TRAF2: variants seen among roughly 807,000 people sequenced by gnomAD.
TRAF2 encodes TNF receptor associated factor 2.
Under a neutral mutation model 55.6 loss-of-function variants are expected in TRAF2, and 6 were observed. That is an observed-to-expected ratio of 0.11 (90% CI 0.06 to 0.21). TRAF2 has a LOEUF of 0.21. Among genes scored for constraint, TRAF2 ranks in the 10% least tolerant of loss-of-function variants. The probability of loss-of-function intolerance (pLI) is 1.00; values close to 1 mark genes in which losing one functional copy is unlikely to be tolerated. For synonymous variants in TRAF2, 329 were observed against 276.3 expected (o/e 1.19, Z -1.89); for missense variants, 561 against 684.5 (o/e 0.82, Z 2.01).
upstream of TRAF2, among the ~76,000 whole-genome samples, chr9:136,883,360 G>C (rs1325064034): frequency 6.6e-6 from 1 of 152,156 alleles, no homozygotes; most frequent in Admixed American, 6.6e-5. Flanking sequence ...TTCTGGACTT[G>C]GGGTGGGGCT....
At chr9:136,884,856 G>A (rs1299546118), upstream of TRAF2, among the ~76,000 whole-genome samples, 2 of 152,204 alleles carry the variant, frequency 1.3e-5, no homozygotes, top group African/African-American at 4.8e-5. Context: ...ACTGCCACGT[G>A]AACCCTTTCT....
At chr9:136,903,026 G>C (rs1419863181) in intron 4 of TRAF2, among the ~76,000 whole-genome samples, 1 of 151,984 alleles carries the variant, frequency 6.6e-6, no homozygotes, top group Admixed American at 6.6e-5. Flanking sequence ...GAGTGCAGTG[G>C]CGTGACCTCG....
At chr9:136,894,002 C>T (rs773044386) in intron 1 of TRAF2, among the ~76,000 whole-genome samples, 23 of 151,384 alleles carry the variant, frequency 1.5e-4, no homozygotes, top group Non-Finnish European at 2.6e-4. Context: ...CCTGCCTTGG[C>T]CTCCGAAAGT....
At chr9:136,891,878 C>A (rs973540962) in intron 1 of TRAF2, among the ~76,000 whole-genome samples, 12 of 151,804 alleles carry the variant, frequency 7.9e-5, no homozygotes, top group Non-Finnish European at 1.6e-4. Flanking sequence ...TGAGCCACTG[C>A]ACTCGGCTAA....
At chr9:136,898,589 CT>C in intron 1 of TRAF2, 123 bp from the exon 2 acceptor site, 1 of 1,470,488 alleles carries the variant, frequency 6.8e-7, no homozygotes, top group South Asian at 1.4e-5. Context: ...TTCTCTGAGT[CT>C]TGACCGCAGG....
chr9:136,906,081 CAG>C (rs1376830457), intron 4 of TRAF2, among the ~76,000 whole-genome samples: 7 of 152,116 alleles, frequency 4.6e-5, no homozygotes, highest in Non-Finnish European at 8.8e-5. Flanking sequence ...CACTGCACGA[CAG>C]AGCAAGATTC....
At chr9:136,920,558 A>G in intron 8 of TRAF2, 43 bp downstream of exon 8, 1 of 1,568,848 alleles carries the variant, frequency 6.4e-7, no homozygotes, top group Non-Finnish European at 8.6e-7. Flanking sequence ...GGACAGTGTA[A>G]AGGGGGATAG....
intron 10 of TRAF2, among the ~76,000 whole-genome samples, chr9:136,924,552 AG>A (rs1243555958): frequency 2.6e-5 from 4 of 152,088 alleles, no homozygotes; most frequent in Middle Eastern, 3.4e-3. Flanking sequence ...ACAGAGCAAG[AG>A]GGGGCTCTAA....
intron 4 of TRAF2, among the ~76,000 whole-genome samples, chr9:136,907,024 C>T (rs1006117474): frequency 5.3e-5 from 8 of 152,268 alleles, no homozygotes; most frequent in African/African-American, 1.4e-4. Flanking sequence ...GCCCTCAAGA[C>T]GGTCGGGGAA....
intron 6 of TRAF2, among the ~76,000 whole-genome samples, chr9:136,916,169 C>T (rs539976014): frequency 9.2e-5 from 14 of 152,294 alleles, no homozygotes; most frequent in South Asian, 8.3e-4. Context: ...TGTACCACCA[C>T]GCACCGGGTG....
Position 136,925,475 on chromosome 9 carries a change from G to A in TRAF2, c.1288-208G>A, listed in dbSNP as rs560346497. Among the ~76,000 whole-genome samples, 54 of 152,164 alleles carry A rather than the reference G, an allele frequency of 3.5e-4. 1 individual carries two copies. The highest frequency in any genetic ancestry group is 2.6e-4 in the Non-Finnish European group (18 of 68,034). On this transcript the variant is annotated intron_variant, in intron 10 of 10. Coordinates refer to ENST00000247668, the MANE Select transcript of TRAF2 (RefSeq NM_021138.4). ...GGACACAGATTCCCCAGAGAGAAGC[G>A]GAATGCCGGTGGCTGGGGAGGGCTG...
intron 7 of TRAF2, among the ~76,000 whole-genome samples, chr9:136,918,145 T>G (rs563637633): frequency 1.7e-4 from 26 of 151,306 alleles, no homozygotes; most frequent in African/African-American, 6.1e-4. Flanking sequence ...GCCCTTCTGC[T>G]CTCTGGGTGG....
intron 4 of TRAF2, among the ~76,000 whole-genome samples, chr9:136,905,898 A>G (rs1458158762): frequency 1.3e-5 from 2 of 152,240 alleles, no homozygotes; most frequent in East Asian, 3.9e-4. Flanking sequence ...AGGTCAGGAG[A>G]TTGAGACCAT....
chr9:136,901,212 C>T (rs751220199), intron 4 of TRAF2, among the ~76,000 whole-genome samples: 69 of 152,102 alleles, frequency 4.5e-4, no homozygotes, highest in Non-Finnish European at 8.5e-4. Context: ...CAGGAGGTGC[C>T]GAGAGAGCTC....
chr9:136,910,117 C>T lies in TRAF2; in HGVS notation c.603+123C>T, dbSNP rs959159302. On this transcript the variant is annotated intron_variant, in intron 6 of 10. Coordinates refer to ENST00000247668, the MANE Select transcript of TRAF2 (RefSeq NM_021138.4). ...TGCCCAAAGGAACAGCAGTGCAAAG[C>T]CCCTGTAACGTTGGGTCATGGATGC... 5 of 1,080,028 alleles carry T rather than the reference C, an allele frequency of 4.6e-6. No homozygotes were observed. In the African/African-American group the frequency reaches 7.8e-5, roughly 17 times the overall value. The allele number at this position is 1,080,028 out of a possible 1,614,324, so 66.9% of individuals were successfully genotyped here.
intron 4 of TRAF2, among the ~76,000 whole-genome samples, chr9:136,907,015 C>T (rs1419002434): frequency 6.6e-6 from 1 of 152,258 alleles, no homozygotes. Context: ...TCGGGCAGAG[C>T]CCTCAAGACG....
rs765336014 is a variant in TRAF2, at chr9:136,926,153, G to T, written c.*252G>T. On this transcript the variant is annotated 3_prime_UTR_variant, in exon 11 of 11. Transcript: ENST00000247668. ...AGGGCTGTGGTGGCATTGGCCGAGG[G>T]TCTTCGGGTGCTTCCCAGCACAAGC... is the stretch of plus-strand genomic sequence containing the variant. 1 of 667,948 alleles carries T rather than the reference G, an allele frequency of 1.5e-6. No homozygotes were observed. The highest frequency in any genetic ancestry group is 1.5e-5 in the South Asian group (1 of 66,152). 41.4% of individuals were successfully genotyped at this position (667,948 alleles called of 1,614,324 possible). A position where few individuals can be genotyped will look rare whatever the true frequency, so the allele number is the denominator to read the frequency against.
chr9:136,898,538 C>CT, intron 1 of TRAF2, 175 bp from the exon 2 acceptor site: 2 of 974,976 alleles, frequency 2.1e-6, no homozygotes, highest in Middle Eastern at 5.3e-4. Flanking sequence ...GGAGATGGGA[C>CT]TAGAGGGTCT....
intron 1 of TRAF2, among the ~76,000 whole-genome samples, chr9:136,897,660 C>G (rs1308973449): frequency 7.6e-6 from 1 of 131,278 alleles, no homozygotes; most frequent in East Asian, 2.3e-4. Flanking sequence ...CGTTCCCGCT[C>G]TCGGGGCTGG....
Sources: allele counts gnomAD v4.1 joint callset (sites outside exome capture counted in the v4.1 genomes callset), GRCh38; gene constraint gnomAD v4.1.1; transcripts MANE v1.5; gene names NCBI Gene and HGNC (gene_info 2026-07-23, HGNC 2026-07-21).